Variants in NUP210L observed in about 807,000 individuals in gnomAD.
NUP210L encodes nucleoporin 210 like.
In NUP210L, 74 loss-of-function variants were observed where a neutral mutation model predicts 208.5. The observed-to-expected ratio is 0.35, with a 90% CI of 0.29 to 0.43. The LOEUF (loss-of-function observed/expected upper bound fraction) is 0.43, where lower values mean the gene tolerates loss of function less well. Ranked by LOEUF, NUP210L falls within the 20% of genes least tolerant of loss-of-function variation. The pLI, the probability that NUP210L is intolerant of heterozygous loss-of-function variation, is 1.00. For missense variants in NUP210L, 1,843 were observed against 2,289.4 expected, an observed-to-expected ratio of 0.81 and a Z score of 3.98; for synonymous variants, 780 against 816.9, an observed-to-expected ratio of 0.95 and a Z score of 0.77.
chr1:154,054,078 T>A, intron 25 of NUP210L, 150 bp downstream of exon 25: 1 of 681,108 alleles, frequency 1.5e-6, no homozygotes, highest in Non-Finnish European at 2.5e-6. Context: ...GATGACATTT[T>A]CCATGCCTGG....
At chr1:154,139,706 G>C in intron 5 of NUP210L, 96 bp downstream of exon 5, 1 of 838,524 alleles carries the variant, frequency 1.2e-6, no homozygotes, top group South Asian at 1.9e-5. Flanking sequence ...AAAAAAAACA[G>C]GGCGGGTAGT....
chr1:154,105,551 C>T (rs1055958841), intron 12 of NUP210L, among the ~76,000 whole-genome samples: 2 of 152,112 alleles, frequency 1.3e-5, no homozygotes, highest in Admixed American at 1.3e-4. Context: ...TTGATACAGG[C>T]CTTAGGTGAC....
intron 17 of NUP210L, 36 bp from the exon 18 acceptor site, chr1:154,061,710 A>G (rs560943712): frequency 2.4e-6 from 3 of 1,264,094 alleles, no homozygotes; most frequent in South Asian, 2.5e-5. Context: ...GTGAGAAACA[A>G]TAACATGTAG....
At chr1:154,140,711 C>T (rs1168054429) in intron 4 of NUP210L, among the ~76,000 whole-genome samples, 3 of 147,162 alleles carry the variant, frequency 2.0e-5, no homozygotes, top group East Asian at 2.0e-4. Flanking sequence ...AGGCCAGACA[C>T]GGTGGCTCAC....
chr1:154,028,436 A>C (rs1652025168), intron 28 of NUP210L, among the ~76,000 whole-genome samples: 1 of 151,934 alleles, frequency 6.6e-6, no homozygotes, highest in African/African-American at 2.4e-5. Flanking sequence ...AAAATACAAA[A>C]AGTAGCCAGG....
chr1:154,143,730 A>G (rs1658973810), intron 2 of NUP210L, among the ~76,000 whole-genome samples, 153 bp from the exon 3 acceptor site: 1 of 152,216 alleles, frequency 6.6e-6, no homozygotes, highest in African/African-American at 2.4e-5. Flanking sequence ...ATAATAAGAT[A>G]TAAGAGCCTT....
chr1:153,997,378 T>C (rs924994264), intron 37 of NUP210L, among the ~76,000 whole-genome samples: 1 of 151,908 alleles, frequency 6.6e-6, no homozygotes, highest in African/African-American at 2.4e-5. Context: ...TGACCTCAGG[T>C]GATCTGCCCA....
intron 2 of NUP210L, among the ~76,000 whole-genome samples, chr1:154,150,049 G>C (rs373585038): frequency 2.0e-5 from 3 of 152,098 alleles, no homozygotes; most frequent in African/African-American, 7.2e-5. Context: ...GCAACATGGC[G>C]AAACCCCTAC....
chr1:154,121,161 C>T lies in NUP210L; in HGVS notation c.1327-2353G>A, dbSNP rs75213163. Among the ~76,000 whole-genome samples, 1,045 of 152,212 alleles carry T rather than the reference C, an allele frequency of 6.9e-3. 9 individuals carry two copies. The highest frequency in any genetic ancestry group is 0.01 in the Non-Finnish European group (689 of 68,016). On this transcript the variant is annotated intron_variant, in intron 10 of 39. Transcript: ENST00000368559. ...ATGATCAATCATATTAAATCCCTTA[C>T]TGTCACTGTAATGTTTTAGGGGAGC...
intron 7 of NUP210L, among the ~76,000 whole-genome samples, chr1:154,130,488 GT>G (rs1658189070): frequency 6.6e-6 from 1 of 151,888 alleles, no homozygotes; most frequent in African/African-American, 2.4e-5. Flanking sequence ...GGCCAGGCTG[GT>G]CTCGAACTCC....
At chr1:154,016,270 A>AT (rs1314219814) in intron 33 of NUP210L, among the ~76,000 whole-genome samples, 1 of 152,034 alleles carries the variant, frequency 6.6e-6, no homozygotes, top group Non-Finnish European at 1.5e-5. Flanking sequence ...GAAAAAAAAA[A>AT]GATGAGAAGT....
chr1:154,056,692 A>G, intron 23 of NUP210L, 123 bp downstream of exon 23: 5 of 973,024 alleles, frequency 5.1e-6, no homozygotes, highest in Non-Finnish European at 7.4e-6. Flanking sequence ...AAGTGCTCAC[A>G]TGGTGGTGTG....
rs186959780 is a variant in NUP210L at position 154,047,634 on chromosome 1, T to C, written c.3484-1265A>G. On this transcript the variant is annotated intron_variant, in intron 25 of 39. Transcript: ENST00000368559. ...AGCCAAAGCCCATCCCTTTGTTTCA[T>C]GTAAGGAATGCTTTTAGTTAATCTA... Among the ~76,000 whole-genome samples the C allele has an allele frequency of 1.1e-4, 16 of 152,348 alleles. No individual in the cohort carries two copies. The East Asian group carries it at 1.9e-3, about 18-fold the overall frequency.
chr1:154,033,512 C>T lies in NUP210L; in HGVS notation c.3697-3458G>A, dbSNP rs187347433. Among the ~76,000 whole-genome samples the T allele has an allele frequency of 5.3e-5, 8 of 152,166 alleles. No homozygotes were observed. In the East Asian group the frequency reaches 9.7e-4, roughly 18 times the overall value. On this transcript the variant is annotated intron_variant, in intron 27 of 39. Coordinates refer to ENST00000368559, the Ensembl canonical transcript of NUP210L. ...CACTGACTGAAGAGACTGTTTTTTC[C>T]GCAATGTGTATTCTTGGCACCTTTG...
chr1:154,027,720 G>C (rs1411626702), intron 28 of NUP210L, 123 bp from the exon 29 acceptor site: 2 of 614,366 alleles, frequency 3.3e-6, no homozygotes, highest in South Asian at 2.2e-5. Flanking sequence ...CGAATCAACA[G>C]TCTGCCTAAC....
At chr1:154,117,618 A>G (rs1657393790) in intron 12 of NUP210L, 107 bp downstream of exon 12, 1 of 828,486 alleles carries the variant, frequency 1.2e-6, no homozygotes, top group Admixed American at 2.7e-5. Flanking sequence ...GAATGTGAGT[A>G]ATATTTTTAA....
chr1:154,050,643 A>C (rs894497052), intron 25 of NUP210L, among the ~76,000 whole-genome samples: 1 of 152,204 alleles, frequency 6.6e-6, no homozygotes, highest in African/African-American at 2.4e-5. Context: ...TGTCCCTCTC[A>C]CGAAGGCATA....
At chr1:154,039,296 T>C (rs1017014342) in intron 27 of NUP210L, among the ~76,000 whole-genome samples, 5 of 151,338 alleles carry the variant, frequency 3.3e-5, no homozygotes, top group African/African-American at 9.7e-5. Context: ...TGCAATAGTG[T>C]GATCTCAGCT....
intron 27 of NUP210L, among the ~76,000 whole-genome samples, chr1:154,032,950 GAAGAA>G (rs146703266): frequency 0.11 from 14,050 of 124,280 alleles, 802 homozygotes; most frequent in Middle Eastern, 0.16. Context: ...AAGAAAGAAA[GAAGAA>G]AAGAAAAGAA....
Sources: gnomAD v4.1 joint callset for allele counts (sites outside exome capture counted in the v4.1 genomes callset) on GRCh38, gnomAD v4.1.1 for gene constraint, MANE v1.5 for transcripts, NCBI Gene and HGNC (gene_info 2026-07-23, HGNC 2026-07-21) for gene names.